The following RFX3 variants were observed in gnomAD, a reference collection of about 807,000 sequenced individuals.
RFX3 encodes transcription factor RFX3.
A neutral mutation model predicts 98.6 loss-of-function variants in RFX3; 14 were observed. The ratio of observed to expected loss-of-function variants is 0.14; its 90% CI spans 0.09 to 0.22. The LOEUF is 0.22. Among genes scored for constraint, RFX3 ranks in the 10% least tolerant of loss-of-function variants. The probability of loss-of-function intolerance (pLI) is 1.00; values close to 1 mark genes in which losing one functional copy is unlikely to be tolerated. For synonymous variants in RFX3, 383 were observed against 328.4 expected (o/e 1.17, Z -1.80); for missense variants, 639 against 926.9 (o/e 0.69, Z 4.03).
intron 1 of RFX3, among the ~76,000 whole-genome samples, chr9:3,491,162 C>T (rs374883401): frequency 3.9e-5 from 6 of 152,078 alleles, no homozygotes; most frequent in African/African-American, 1.4e-4. Flanking sequence ...AGCAAACAGG[C>T]ACAGCTGAGT....
At chr9:3,492,398 A>G (rs775919023) in intron 1 of RFX3, among the ~76,000 whole-genome samples, 23 of 152,236 alleles carry the variant, frequency 1.5e-4, no homozygotes, top group Non-Finnish European at 1.9e-4. Context: ...CACTCACTTT[A>G]GAGAGCTTGC....
In RFX3 at chr9:3,283,265, T is replaced by C. The variant is rs558216977; in HGVS notation, c.851+4866A>G. On this transcript the variant is annotated intron_variant, in intron 7 of 16. Coordinates refer to ENST00000617270, the MANE Select transcript of RFX3 (RefSeq NM_001282116.2). ...ATCCCATAAGAAAGATATTTTTCTG[T>C]AGTGCTCATCATATAATAATGATCC... is the stretch of plus-strand genomic sequence containing the variant. Among the ~76,000 whole-genome samples, 33 of 151,954 alleles carry C rather than the reference T, an allele frequency of 2.2e-4. 1 individual carries two copies. Among genetic ancestry groups the C allele is most frequent in the Admixed American group, 1.1e-3 (17 of 15,200 alleles).
intron 1 of RFX3, among the ~76,000 whole-genome samples, chr9:3,470,617 C>G (rs940413690): frequency 6.6e-6 from 1 of 152,124 alleles, no homozygotes; most frequent in Non-Finnish European, 1.5e-5. Context: ...AGTGAGCCAC[C>G]GCACCGGGCC....
At position 3,274,879 on chromosome 9, in the gene RFX3, T is replaced by C. The variant is rs939884685; in HGVS notation, c.1086+621A>G. On this transcript the variant is annotated intron_variant, in intron 9 of 16. Transcript: ENST00000617270. ...ATATAGATATGTATATCCATACATA[T>C]GGATATATATATGAAGGAAAAGGAA... 2.0e-5 allele frequency among the ~76,000 whole-genome samples: 3 copies of C among 151,914 alleles called. No individual in the cohort carries two copies. In the East Asian group the frequency reaches 5.8e-4, roughly 29 times the overall value.
chr9:3,232,996 C>T (rs1454116563), intron 15 of RFX3, among the ~76,000 whole-genome samples: 1 of 152,186 alleles, frequency 6.6e-6, no homozygotes, highest in Non-Finnish European at 1.5e-5. Flanking sequence ...AAATAGGAAA[C>T]GTTCCGAAGA....
At chr9:3,412,285 A>G (rs1842526868) in intron 1 of RFX3, among the ~76,000 whole-genome samples, 1 of 152,192 alleles carries the variant, frequency 6.6e-6, no homozygotes, top group Admixed American at 6.5e-5. Flanking sequence ...CAGGCCATCA[A>G]GGTGACCTTG....
At chr9:3,294,200 A>C (rs1182203119) in intron 5 of RFX3, among the ~76,000 whole-genome samples, 1 of 152,172 alleles carries the variant, frequency 6.6e-6, no homozygotes, top group African/African-American at 2.4e-5. Flanking sequence ...ACTTTCTCAA[A>C]GTCACATATT....
At chr9:3,450,344 A>G (rs1379761884) in intron 1 of RFX3, among the ~76,000 whole-genome samples, 1 of 152,128 alleles carries the variant, frequency 6.6e-6, no homozygotes, top group Non-Finnish European at 1.5e-5. Context: ...CACAGTTAAA[A>G]TGTATTTTAA....
chr9:3,358,691 A>C (rs1466519206), intron 2 of RFX3, among the ~76,000 whole-genome samples: 1 of 152,082 alleles, frequency 6.6e-6, no homozygotes, highest in South Asian at 2.1e-4. Context: ...GTTCATTCTC[A>C]CACTGCTATG....
At chr9:3,429,463 A>G (rs923629456) in intron 1 of RFX3, among the ~76,000 whole-genome samples, 1 of 151,376 alleles carries the variant, frequency 6.6e-6, no homozygotes, top group African/African-American at 2.4e-5. Flanking sequence ...GTGGAGATAG[A>G]CATAAATTGA....
chr9:3,332,205 C>G (rs1832679867), intron 3 of RFX3, among the ~76,000 whole-genome samples: 1 of 152,006 alleles, frequency 6.6e-6, no homozygotes, highest in Admixed American at 6.6e-5. Flanking sequence ...CTTGGGACCA[C>G]AAGTGTTTTG....
intron 1 of RFX3, among the ~76,000 whole-genome samples, chr9:3,496,283 A>G (rs1012130586): frequency 2.6e-5 from 4 of 151,984 alleles, no homozygotes; most frequent in Admixed American, 6.6e-5. Flanking sequence ...CTCTTAGTGC[A>G]TATTTTTTTC....
intron 5 of RFX3, among the ~76,000 whole-genome samples, chr9:3,295,363 C>G (rs1244951748): frequency 1.3e-5 from 2 of 151,848 alleles, no homozygotes; most frequent in East Asian, 3.9e-4. Flanking sequence ...TATGGCAGCC[C>G]TAGTGAGCTG....
chr9:3,424,140 C>T (rs1203227019), intron 1 of RFX3, among the ~76,000 whole-genome samples: 2 of 149,978 alleles, frequency 1.3e-5, no homozygotes, highest in African/African-American at 4.9e-5. Flanking sequence ...GAGGGAGACT[C>T]CTTCTCAAAA....
intron 10 of RFX3, 164 bp from the exon 11 acceptor site, chr9:3,270,689 G>C: frequency 1.4e-6 from 1 of 708,662 alleles, no homozygotes. Context: ...GAGACAGACA[G>C]ATATATAAAA....
chr9:3,522,180 A>C (rs1448245844), intron 1 of RFX3, among the ~76,000 whole-genome samples: 7 of 152,192 alleles, frequency 4.6e-5, no homozygotes, highest in Non-Finnish European at 1.0e-4. Context: ...AATGAAAGTG[A>C]CACCTGTTTA....
intron 2 of RFX3, among the ~76,000 whole-genome samples, chr9:3,352,518 A>G (rs1046794492): frequency 6.6e-6 from 1 of 152,068 alleles, no homozygotes; most frequent in African/African-American, 2.4e-5. Context: ...TCTTACCACT[A>G]TGGCTGATCA....
chr9:3,360,569 T>C (rs918121655), intron 2 of RFX3, among the ~76,000 whole-genome samples: 4 of 152,152 alleles, frequency 2.6e-5, no homozygotes, highest in African/African-American at 9.6e-5. Flanking sequence ...TTTACATTCA[T>C]AAACACTAGA....
intron 1 of RFX3, among the ~76,000 whole-genome samples, chr9:3,502,966 T>C (rs1816204907): frequency 6.6e-6 from 1 of 152,230 alleles, no homozygotes; most frequent in South Asian, 2.1e-4. Flanking sequence ...TGCTGTAATA[T>C]GCTTAGATGT....
Sources: gnomAD v4.1 joint callset for allele counts (sites outside exome capture counted in the v4.1 genomes callset) on GRCh38, gnomAD v4.1.1 for gene constraint, MANE v1.5 for transcripts, NCBI Gene and HGNC (gene_info 2026-07-23, HGNC 2026-07-21) for gene names.